SPAG16: variants seen among roughly 807,000 people sequenced by gnomAD.
The protein encoded by SPAG16 is sperm-associated antigen 16 protein.
In SPAG16, 86 loss-of-function variants were observed where a neutral mutation model predicts 80.4. That is an observed-to-expected ratio of 1.07 (90% CI 0.90 to 1.28). The LOEUF is 1.28. SPAG16 is among the 50% of genes most tolerant of loss of function. SPAG16 has a pLI of 0.00. For missense variants in SPAG16, 870 were observed against 765.3 expected (o/e 1.14, Z -1.61); for synonymous variants, 294 against 265.9 (o/e 1.11, Z -1.03).
At chr2:213,397,293 C>T (rs1227630480) in intron 9 of SPAG16, among the ~76,000 whole-genome samples, 1 of 152,170 alleles carries the variant, frequency 6.6e-6, no homozygotes, top group Non-Finnish European at 1.5e-5. Flanking sequence ...TCACATCTTA[C>T]AGTACCTTTA....
chr2:214,293,647 C>T (rs755293291), intron 15 of SPAG16, among the ~76,000 whole-genome samples: 9 of 152,178 alleles, frequency 5.9e-5, no homozygotes, highest in Non-Finnish European at 1.2e-4. Context: ...GCTGGGGCCA[C>T]TCTCATTGGG....
At chr2:213,583,369 C>T (rs746463870) in intron 10 of SPAG16, among the ~76,000 whole-genome samples, 2 of 152,122 alleles carry the variant, frequency 1.3e-5, no homozygotes, top group African/African-American at 4.8e-5. Flanking sequence ...CATTGGTTGG[C>T]AATTTTCCTT....
intron 10 of SPAG16, among the ~76,000 whole-genome samples, chr2:213,819,355 A>T (rs1249076429): frequency 1.3e-5 from 2 of 152,238 alleles, no homozygotes; most frequent in Non-Finnish European, 2.9e-5. Context: ...TTCTAAGCTC[A>T]AAAGTGGCAC....
At chr2:213,871,262 T>C (rs1575416780) in intron 11 of SPAG16, among the ~76,000 whole-genome samples, 1 of 151,970 alleles carries the variant, frequency 6.6e-6, no homozygotes, top group Non-Finnish European at 1.5e-5. Flanking sequence ...CGTTCAAAAA[T>C]ATATTCCTTC....
intron 15 of SPAG16, among the ~76,000 whole-genome samples, chr2:214,175,351 CAG>C (rs1321401410): frequency 8.9e-5 from 13 of 145,326 alleles, no homozygotes; most frequent in African/African-American, 3.0e-4. Flanking sequence ...ATATATGAAT[CAG>C]AGAAATTCTG....
chr2:213,646,191 C>T (rs764065862), intron 10 of SPAG16, among the ~76,000 whole-genome samples: 1 of 152,120 alleles, frequency 6.6e-6, no homozygotes, highest in Non-Finnish European at 1.5e-5. Context: ...TTCGACGATA[C>T]AAAGTTACAA....
intron 10 of SPAG16, among the ~76,000 whole-genome samples, chr2:213,652,721 T>C (rs954866626): frequency 1.3e-5 from 2 of 152,168 alleles, no homozygotes; most frequent in African/African-American, 4.8e-5. Context: ...TTCTTTACCA[T>C]TGAATTTTTC....
intron 10 of SPAG16, among the ~76,000 whole-genome samples, chr2:213,811,089 A>G (rs1490819020): frequency 6.6e-6 from 1 of 152,284 alleles, no homozygotes; most frequent in Non-Finnish European, 1.5e-5. Flanking sequence ...AAAGGAAGCA[A>G]TAGTTAATAT....
At chr2:213,443,525 T>C (rs1233038012) in intron 9 of SPAG16, among the ~76,000 whole-genome samples, 6 of 152,206 alleles carry the variant, frequency 3.9e-5, no homozygotes, top group African/African-American at 1.2e-4. Context: ...GTATATGTAT[T>C]CCACAATTTC....
At chr2:214,327,362 C>T (rs375815844) in intron 15 of SPAG16, among the ~76,000 whole-genome samples, 2 of 152,120 alleles carry the variant, frequency 1.3e-5, no homozygotes, top group East Asian at 3.8e-4. Context: ...GAGACTTTGG[C>T]CAAGTTACTT....
At chr2:213,759,773 A>C (rs1372260473) in intron 10 of SPAG16, among the ~76,000 whole-genome samples, 1 of 152,210 alleles carries the variant, frequency 6.6e-6, no homozygotes, top group South Asian at 2.1e-4. Flanking sequence ...GCAGTGGCTC[A>C]CACCTGCAAT....
At chr2:214,102,799 C>G (rs577578911) in intron 13 of SPAG16, among the ~76,000 whole-genome samples, 1 of 151,800 alleles carries the variant, frequency 6.6e-6, no homozygotes, top group Admixed American at 6.6e-5. Flanking sequence ...GGGGCAAGTT[C>G]CAGAACAGGA....
intron 9 of SPAG16, among the ~76,000 whole-genome samples, chr2:213,440,274 G>C (rs1321704185): frequency 1.3e-5 from 2 of 152,178 alleles, no homozygotes; most frequent in African/African-American, 4.8e-5. Flanking sequence ...TGTAGGCTGG[G>C]TGCAGTGGCT....
intron 9 of SPAG16, among the ~76,000 whole-genome samples, chr2:213,489,688 C>T (rs1465454756): frequency 6.6e-6 from 1 of 151,970 alleles, no homozygotes; most frequent in African/African-American, 2.4e-5. Context: ...CTATATTGTG[C>T]TTCATTGGAA....
chr2:213,579,616 G>A (rs114180024), intron 10 of SPAG16, among the ~76,000 whole-genome samples: 2,482 of 152,166 alleles, frequency 0.016, 63 homozygotes, highest in African/African-American at 0.049. Flanking sequence ...TAAAGAAGGA[G>A]TAATTCTCAT....
chr2:214,113,697 C>T (rs1319736544), intron 14 of SPAG16, among the ~76,000 whole-genome samples: 1 of 152,200 alleles, frequency 6.6e-6, no homozygotes, highest in African/African-American at 2.4e-5. Context: ...ATTCTCTACA[C>T]TGTTTATTCT....
At chr2:214,405,762 A>G (rs1450072802) in intron 15 of SPAG16, among the ~76,000 whole-genome samples, 2 of 152,200 alleles carry the variant, frequency 1.3e-5, no homozygotes, top group Admixed American at 1.3e-4. Flanking sequence ...GCGCCACTGC[A>G]CTCAAGCCTG....
chr2:214,178,136 G>A (rs1457223509), intron 15 of SPAG16, among the ~76,000 whole-genome samples: 1 of 147,504 alleles, frequency 6.8e-6, no homozygotes, highest in Non-Finnish European at 1.5e-5. Flanking sequence ...ACCCAAATTA[G>A]CTTATTTTTA....
At chr2:213,376,901 G>A (rs1286856664) in intron 9 of SPAG16, among the ~76,000 whole-genome samples, 1 of 152,102 alleles carries the variant, frequency 6.6e-6, no homozygotes, top group East Asian at 1.9e-4. Flanking sequence ...AAGTGCATAG[G>A]ACTGTATTTA....
Sources: allele counts gnomAD v4.1 joint callset (sites outside exome capture counted in the v4.1 genomes callset), GRCh38; gene constraint gnomAD v4.1.1; transcripts MANE v1.5; gene names NCBI Gene and HGNC (gene_info 2026-07-23, HGNC 2026-07-21).